FLNA: variants seen among roughly 807,000 people sequenced by gnomAD.
FLNA encodes filamin-A.
FLNA carries 7 observed loss-of-function variants against 157.6 expected under a neutral mutation model. That is an observed-to-expected ratio of 0.04 (90% confidence interval 0.03 to 0.08). The LOEUF is 0.08. Ranked by LOEUF, FLNA falls within the 10% of genes least tolerant of loss-of-function variation. The pLI is 1.00. For synonymous variants in FLNA, 1,103 were observed against 1,060.8 expected (o/e 1.04, Z -0.77); for missense variants, 1,750 against 2,398.4 (o/e 0.73, Z 5.65).
chrX:154,360,117 G>A lies in FLNA; in HGVS notation c.3678C>T (p.Pro1226=), dbSNP rs377579695. 1.2e-5 allele frequency: 15 copies of A among 1,209,521 alleles called. No individual in the cohort carries two copies. The highest frequency in any genetic ancestry group is 1.7e-5 in the Non-Finnish European group (15 of 894,592). The part of the protein sequence containing the change: ...THTITYIPLC[P]GAYTVTIKYG... The stretch of plus-strand genomic sequence containing the variant: ...ACTTGATGGTGACGGTGTAGGCCCC[G>A]GGGCAGAGGGGAATGTAGGTAATGG... Residue 1226 remains proline (P), a synonymous_variant, in exon 22 of 48, where the codon CCC becomes CCT. Coordinates refer to ENST00000369850, the MANE Select transcript of FLNA (RefSeq NM_001110556.2).
Position 154,352,668 on chromosome X carries a change from G to C in FLNA, c.6387C>G (p.Pro2129=). Residue 2129 remains proline (P), a synonymous_variant, in exon 40 of 48, where the codon CCC becomes CCG. Transcript: ENST00000369850. The part of the protein sequence containing the change: ...KFADQHVPGS[P]FSVKVTGEGR... ...CCTCGCCTGTCACCTTCACAGAGAAGGGGCTGCCTGCAGGAAGAAAGCACG... is the reference window on the plus strand; with the variant it reads ...CCTCGCCTGTCACCTTCACAGAGAACGGGCTGCCTGCAGGAAGAAAGCACG... 1 of 1,211,997 alleles carries C rather than the reference G, an allele frequency of 8.3e-7. No homozygotes were observed. Among genetic ancestry groups the C allele is most frequent in the Non-Finnish European group, 1.1e-6 (1 of 895,643 alleles).
rs782061936 is a variant in FLNA at position 154,352,820 on chromosome X, G to A, written c.6331C>T (p.Pro2111Ser). 8.3e-7 allele frequency: 1 copy of A among 1,211,677 alleles called. No homozygotes were observed. The highest frequency in any genetic ancestry group is 3.0e-5 in the East Asian group (1 of 33,856). Residue 2111 changes from proline (P) to serine (S), a missense_variant, in exon 39 of 48, where the codon CCA becomes TCA. Pro to Ser is a moderately conservative substitution (Grantham distance 74). Around this residue, in one of 5 missense-constraint regions of FLNA, gnomAD observed 970 missense variants for 1,302.6 expected, o/e 0.74. Coordinates refer to ENST00000369850, the MANE Select transcript of FLNA (RefSeq NM_001110556.2). Reference protein sequence around the residue: ...TCRVTYCPTEPGNYIINIKFA... With the variant: ...TCRVTYCPTESGNYIINIKFA... ...TTGATGTTGATGATGTAGTTGCCTG[G>A]CTCTGTGGGGCAGTAGGTGACCCTG...
At position 154,365,598 on chromosome X, in the gene FLNA, G is replaced by A. The variant is rs1382435732; in HGVS notation, c.1430-112C>T. ...GTGGGTCCCTCAGAGCTTGGCTGGA[G>A]GGGGACATGCAAGACAGAACTGGAA... On this transcript the variant is annotated intron_variant, in intron 9 of 47. Coordinates refer to ENST00000369850, the MANE Select transcript of FLNA (RefSeq NM_001110556.2). 3.2e-6 allele frequency: 3 copies of A among 929,709 alleles called. No homozygotes were observed. In the African/African-American group the frequency reaches 5.8e-5, roughly 18 times the overall value. 76.6% of individuals were successfully genotyped at this position (929,709 alleles called of 1,213,427 possible).
At chrX:154,361,060 AAAAAAAAAAAAAAAAAAAAGAAAG>A (rs2067704172) in intron 21 of FLNA, among the ~76,000 whole-genome samples, 1 of 85,118 alleles carries the variant, frequency 1.2e-5, no homozygotes, top group Non-Finnish European at 2.2e-5. Flanking sequence ...AAAAAAAAAA[AAAAAAAAAAAAAAAAAAAAGAAAG>A]AAAAAAAAAA....
chrX:154,350,979 C>A lies in FLNA; in HGVS notation c.7086G>T (p.Gly2362=). 1 of 1,211,203 alleles carries A rather than the reference C, an allele frequency of 8.3e-7. No individual in the cohort carries two copies. Among genetic ancestry groups the A allele is most frequent in the Non-Finnish European group, 1.1e-6 (1 of 894,877 alleles). The stretch of plus-strand genomic sequence containing the variant: ...GGCTGTGCACCTTGGCATCGATCGC[C>A]CCCTTGGCCCCGTTCAGGCTGACTG... ...SFAVSLNGAK[G]AIDAKVHSPS... Residue 2362 remains glycine (G), a synonymous_variant, in exon 44 of 48, where the codon GGG becomes GGT. Coordinates refer to ENST00000369850, the MANE Select transcript of FLNA (RefSeq NM_001110556.2).
chrX:154,362,381 G>A (rs782712724), intron 17 of FLNA, 37 bp downstream of exon 17: 2 of 1,207,445 alleles, frequency 1.7e-6, no homozygotes, highest in Non-Finnish European at 2.2e-6. Context: ...GACGTCATCC[G>A]CAATGACATC....
Position 154,359,497 on chromosome X carries a change from T to A in FLNA, c.4129A>T (p.Thr1377Ser), listed in dbSNP as rs1426125056. ...SGTTNKPNKF[T>S]VETRGAGTGG... Reference sequence around the variant, plus strand: ...GGGCTCCCTTACCTGGTCTCCACAGTGAACTTGTTGGGCTTGTTGGTGGTG... The same window carrying A: ...GGGCTCCCTTACCTGGTCTCCACAGAGAACTTGTTGGGCTTGTTGGTGGTG... The change falls in exon 24 of 48, where the codon ACT (threonine) becomes TCT (serine). Residue 1377 changes from threonine to serine, a missense_variant. Physicochemically the swap from Thr to Ser is moderately conservative, Grantham distance 58 (BLOSUM62 1). Coordinates refer to ENST00000369850, the MANE Select transcript of FLNA (RefSeq NM_001110556.2). 1 of 1,209,739 alleles carries A rather than the reference T, an allele frequency of 8.3e-7. No individual in the cohort carries two copies. The highest frequency in any genetic ancestry group is 1.7e-5 in the African/African-American group (1 of 57,180).
In FLNA at chrX:154,364,330, C is replaced by T. The variant is rs782116160; in HGVS notation, c.2065G>A (p.Val689Ile). ...GPGLEKTGVAVNKPAEFTVDA... is the reference protein window; with the variant it reads ...GPGLEKTGVAINKPAEFTVDA... ...ACTGTGAACTCTGCTGGCTTGTTGA[C>T]GGCCACACCTGTCTTCTCCAATCCA... Residue 689 changes from valine (V) to isoleucine (I), a missense_variant, in exon 14 of 48, where the codon GTC becomes ATC. Around this residue, in one of 5 missense-constraint regions of FLNA, gnomAD observed 648 missense variants for 805.8 expected, o/e 0.80. Coordinates refer to ENST00000369850, the MANE Select transcript of FLNA (RefSeq NM_001110556.2). 1.4e-5 allele frequency: 17 copies of T among 1,209,226 alleles called. No homozygotes were observed. The East Asian group carries it at 1.5e-4, about 11-fold the overall frequency.
At chrX:154,358,173 C>T in intron 28 of FLNA, 26 bp downstream of exon 28, 1 of 1,208,195 alleles carries the variant, frequency 8.3e-7, no homozygotes, top group African/African-American at 1.7e-5. Flanking sequence ...GCCCCCCTGC[C>T]TCCCCTGCCT....
At position 154,366,334 on chromosome X, in the gene FLNA, G is replaced by A. The variant is rs782816272; in HGVS notation, c.1202C>T (p.Thr401Ile). The A allele has an allele frequency of 1.6e-6, 2 of 1,212,311 alleles. No individual in the cohort carries two copies. Among genetic ancestry groups the A allele is most frequent in the Non-Finnish European group, 1.1e-6 (1 of 895,601 alleles). Reference protein sequence around the residue: ...LEPSGNIANKTTYFEIFTAGA... With the variant: ...LEPSGNIANKITYFEIFTAGA... ...TGCCGTAAAGATCTCAAAGTAGGTG[G>A]TCTTGTTGGCGATGTTGCCACTGGG... The change falls in exon 8 of 48, where the codon ACC becomes ATC. Residue 401 changes from threonine to isoleucine, a missense_variant. By Grantham distance (89) the Thr-to-Ile change is moderately conservative. This residue lies in a region of FLNA where 648 missense variants were observed against 805.8 expected (regional missense o/e 0.80). Transcript: ENST00000369850.
At chrX:154,351,754 C>T (rs1014739797) in intron 42 of FLNA, 58 bp from the exon 43 acceptor site, 22 of 1,119,821 alleles carry the variant, frequency 2.0e-5, no homozygotes, top group Admixed American at 1.1e-4. Context: ...CCACCTCCCA[C>T]GAACAGCCTG....
At position 154,366,016 on chromosome X, in the gene FLNA, G is replaced by T; in HGVS notation, c.1429+8C>A. Reference sequence around the variant, plus strand: ...GCCACAGCAGAGGGCAGTCAGGGCCGGGCCTACCTTGGCCAACAGTGACAG... The same window carrying T: ...GCCACAGCAGAGGGCAGTCAGGGCCTGGCCTACCTTGGCCAACAGTGACAG... On this transcript the variant is annotated splice_region_variant and intron_variant, in intron 9 of 47. Coordinates refer to ENST00000369850, the MANE Select transcript of FLNA (RefSeq NM_001110556.2). 8.4e-7 allele frequency: 1 copy of T among 1,194,390 alleles called. No individual in the cohort carries two copies.
At chrX:154,362,847 C>T in intron 15 of FLNA, 63 bp from the exon 16 acceptor site, 1 of 1,122,467 alleles carries the variant, frequency 8.9e-7, no homozygotes, top group Non-Finnish European at 1.2e-6. Context: ...GAAGCTCCCT[C>T]AGCTACACTG....
Position 154,366,545 on chromosome X carries a change from C to A in FLNA, c.1065+17G>T, listed in dbSNP as rs782752794. ...ACTGCCTGAGGTCACAAGCCTCCCC[C>A]CTGGCCAAGGGCTCACCTTATGAGT... On this transcript the variant is annotated intron_variant, in intron 7 of 47. Transcript: ENST00000369850. The A allele has an allele frequency of 5.0e-6, 6 of 1,209,133 alleles. No homozygotes were observed. Among genetic ancestry groups the A allele is most frequent in the Middle Eastern group, 2.3e-4 (1 of 4,369 alleles).
chrX:154,357,059 G>T (rs1026462871), intron 30 of FLNA, among the ~76,000 whole-genome samples, 192 bp downstream of exon 30: 1 of 112,178 alleles, frequency 8.9e-6, no homozygotes, highest in African/African-American at 3.2e-5. Context: ...GAGCTGGAGC[G>T]GTCATGCTCA....
At position 154,364,069 on chromosome X, in the gene FLNA, C is replaced by T. The variant is rs1336740117; in HGVS notation, c.2233G>A (p.Ala745Thr). ...YVPRKPVKHT[A>T]MVSWGGVSIP... Reference sequence around the variant, plus strand: ...CTGACGCCTCCCCAGGACACCATGGCTGTGTGCTTCACCGGCTTCCTGGGC... The same window carrying T: ...CTGACGCCTCCCCAGGACACCATGGTTGTGTGCTTCACCGGCTTCCTGGGC... The change falls in exon 15 of 48, where the codon GCC (alanine) becomes ACC (threonine). Residue 745 changes from alanine to threonine, a missense_variant. Coordinates refer to ENST00000369850, the MANE Select transcript of FLNA (RefSeq NM_001110556.2). 4.1e-6 allele frequency: 5 copies of T among 1,209,777 alleles called. No homozygotes were observed. The Admixed American group carries it at 8.7e-5, about 21-fold the overall frequency.
Position 154,352,856 on chromosome X carries a change from C to T in FLNA, c.6295G>A (p.Asp2099Asn). The T allele has an allele frequency of 1.7e-6, 2 of 1,211,607 alleles. No individual in the cohort carries two copies. Among genetic ancestry groups the T allele is most frequent in the Admixed American group, 2.2e-5 (1 of 46,084 alleles). Residue 2099 changes from aspartate to asparagine, a missense_variant, in exon 39 of 48, where the codon GAC (aspartate) becomes AAC (asparagine). This residue lies in a region of FLNA where 970 missense variants were observed against 1,302.6 expected (regional missense o/e 0.74). Coordinates refer to ENST00000369850, the MANE Select transcript of FLNA (RefSeq NM_001110556.2). ...CAGTAGGTGACCCTGCACGTCCCGT[C>T]CTCCAGGTCCTCTGTGTTGATGTCC... The part of the protein sequence containing the change: ...KVDINTEDLE[D>N]GTCRVTYCPT...
At position 154,358,529 on chromosome X, in the gene FLNA, C is replaced by T; in HGVS notation, c.4514G>A (p.Gly1505Asp). 1 of 1,210,166 alleles carries T rather than the reference C, an allele frequency of 8.3e-7. No homozygotes were observed. Among genetic ancestry groups the T allele is most frequent in the Non-Finnish European group, 1.1e-6 (1 of 894,579 alleles). The change falls in exon 27 of 48, where the codon GGC (glycine) becomes GAC (aspartate). Residue 1505 changes from glycine to aspartate, a missense_variant. Coordinates refer to ENST00000369850, the MANE Select transcript of FLNA (RefSeq NM_001110556.2). Reference sequence around the variant, plus strand: ...GGGCACATAATTGACGGTCTGGGTGCCATCAGCGTTGTCTACCACGTCCAC... The same window carrying T: ...GGGCACATAATTGACGGTCTGGGTGTCATCAGCGTTGTCTACCACGTCCAC... ...EPVDVVDNADGTQTVNYVPSR... is the reference protein window; with the variant it reads ...EPVDVVDNADDTQTVNYVPSR...
chrX:154,354,807 C>A lies in FLNA; in HGVS notation c.5217+18G>T. 8.3e-7 allele frequency: 1 copy of A among 1,210,848 alleles called. No homozygotes were observed. The highest frequency in any genetic ancestry group is 1.1e-6 in the Non-Finnish European group (1 of 895,003). Reference sequence around the variant, plus strand: ...CCTGCCAGACACCCCTGCTGACCTACCCCCCACCCCTCCTCACCGTCACTT... The same window carrying A: ...CCTGCCAGACACCCCTGCTGACCTAACCCCCACCCCTCCTCACCGTCACTT... On this transcript the variant is annotated intron_variant, in intron 31 of 47. Coordinates refer to ENST00000369850, the MANE Select transcript of FLNA (RefSeq NM_001110556.2).
Sources: gnomAD v4.1 joint callset for allele counts (sites outside exome capture counted in the v4.1 genomes callset) on GRCh38, gnomAD v4.1.1 for gene constraint, gnomAD v4.1.1 regional missense constraint, MANE v1.5 for transcripts, NCBI Gene and HGNC (gene_info 2026-07-23, HGNC 2026-07-21) for gene names.